The following MAST4 variants were observed in gnomAD, a reference collection of about 807,000 sequenced individuals.
MAST4 encodes the protein microtubule-associated serine/threonine-protein kinase 4.
In MAST4, 89 loss-of-function variants were observed where a neutral mutation model predicts 162.7. That is an observed-to-expected ratio of 0.55 (90% CI 0.46 to 0.65). The LOEUF (loss-of-function observed/expected upper bound fraction) is 0.65. Ranked by LOEUF, MAST4 falls within the 30% of genes least tolerant of loss-of-function variation. The pLI, the probability that MAST4 is intolerant of heterozygous loss-of-function variation, is 0.00. For missense variants in MAST4, 3,153 were observed against 3,374.0 expected (o/e 0.93, Z 1.62); for synonymous variants, 1,479 against 1,361.1 (o/e 1.09, Z -1.91).
rs1182908012 is a variant in MAST4, at chr5:66,673,625, G to C, written c.363+76607G>C. Among the ~76,000 whole-genome samples the C allele has an allele frequency of 2.0e-5, 3 of 149,846 alleles. 1 individual carries two copies. Among genetic ancestry groups the C allele is most frequent in the African/African-American group, 7.3e-5 (3 of 40,818 alleles). On this transcript the variant is annotated intron_variant, in intron 1 of 28. Transcript: ENST00000403625. ...CACTGCAACTTCCACCTCCTGAGTA[G>C]GTGGGATCACAGGCACGTGCTGCCA...
In MAST4 at chr5:67,165,864, A is replaced by G. The variant is rs570677514; in HGVS notation, c.6685A>G (p.Thr2229Ala). 6.2e-6 allele frequency: 10 copies of G among 1,613,262 alleles called. No individual in the cohort carries two copies. Among genetic ancestry groups the G allele is most frequent in the East Asian group, 2.2e-5 (1 of 44,872 alleles). ...VGATKGKEPA[T>A]QSLGGSSREG... ...GGCCACAAAGGGCAAAGAGCCTGCCACTCAGTCCCTCGGTGGCTCTAGCAG... is the reference window on the plus strand; with the variant it reads ...GGCCACAAAGGGCAAAGAGCCTGCCGCTCAGTCCCTCGGTGGCTCTAGCAG... The change falls in exon 29 of 29, where the codon ACT becomes GCT. Residue 2229 changes from threonine to alanine, a missense_variant. Thr to Ala is a moderately conservative substitution (Grantham distance 58, BLOSUM62 0). Coordinates refer to ENST00000403625, the MANE Select transcript of MAST4 (RefSeq NM_001164664.2).
At chr5:67,059,889 G>T (rs777703133) in intron 5 of MAST4, among the ~76,000 whole-genome samples, 6 of 151,872 alleles carry the variant, frequency 4.0e-5, no homozygotes, top group African/African-American at 1.5e-4. Context: ...TGCTTGTTTC[G>T]GGTAGGCACA....
chr5:66,868,284 A>G (rs1267824681), intron 3 of MAST4, among the ~76,000 whole-genome samples: 1 of 152,060 alleles, frequency 6.6e-6, no homozygotes, highest in East Asian at 1.9e-4. Context: ...ATCTCCCTAT[A>G]GTGAAGAAGC....
At chr5:67,071,172 C>T (rs2150665189) in intron 5 of MAST4, among the ~76,000 whole-genome samples, 1 of 144,888 alleles carries the variant, frequency 6.9e-6, no homozygotes, top group Non-Finnish European at 1.5e-5. Flanking sequence ...AAACAAAACT[C>T]TGCTCTAGAA....
chr5:66,807,244 C>G (rs182179692), intron 3 of MAST4, among the ~76,000 whole-genome samples: 1 of 152,186 alleles, frequency 6.6e-6, no homozygotes, highest in Non-Finnish European at 1.5e-5. Flanking sequence ...CGCCTGTAAT[C>G]CCAGCACTTT....
intron 4 of MAST4, among the ~76,000 whole-genome samples, chr5:66,947,610 T>G (rs1744189604): frequency 6.6e-6 from 1 of 152,180 alleles, no homozygotes; most frequent in African/African-American, 2.4e-5. Flanking sequence ...ATTGTTATTA[T>G]AGTGAAATAT....
Position 66,930,632 on chromosome 5 carries a change from T to C in MAST4, c.674+30650T>C, listed in dbSNP as rs796858505. On this transcript the variant is annotated intron_variant, in intron 4 of 28. Transcript: ENST00000403625. ...TTAAAATTTTTTATGTCTCAAGGAA[T>C]AAAAACTTCCCTGACAATATATATT... 66 of 444,468 alleles carry C rather than the reference T, an allele frequency of 1.5e-4. 1 individual carries two copies. Among genetic ancestry groups the C allele is most frequent in the African/African-American group, 9.2e-4 (45 of 48,816 alleles). The allele number at this position is 444,468 out of a possible 1,614,324, so 27.5% of individuals were successfully genotyped here. A position where few individuals can be genotyped will look rare whatever the true frequency, so the allele number is the denominator to read the frequency against.
At chr5:66,697,248 T>C (rs2149505021) in intron 1 of MAST4, among the ~76,000 whole-genome samples, 1 of 152,362 alleles carries the variant, frequency 6.6e-6, no homozygotes, top group South Asian at 2.1e-4. Context: ...TTAAAGACTT[T>C]TTTCATGTGT....
chr5:66,725,256 TTG>T (rs760584238), intron 1 of MAST4, among the ~76,000 whole-genome samples: 3 of 152,176 alleles, frequency 2.0e-5, no homozygotes, highest in Non-Finnish European at 4.4e-5. Flanking sequence ...GTTTACAAAT[TTG>T]TGTTTTAATA....
At chr5:67,000,195 A>G (rs1391435968) in intron 4 of MAST4, among the ~76,000 whole-genome samples, 1 of 152,094 alleles carries the variant, frequency 6.6e-6, no homozygotes, top group East Asian at 1.9e-4. Flanking sequence ...GAAAATGGGG[A>G]TGGGAAGATG....
intron 4 of MAST4, among the ~76,000 whole-genome samples, chr5:67,034,965 T>TA (rs1230689401): frequency 6.6e-6 from 1 of 152,218 alleles, no homozygotes; most frequent in African/African-American, 2.4e-5. Context: ...ACTGCTGGTT[T>TA]AGAGTGAACC....
At chr5:67,155,165 T>G (rs1334818671) in intron 26 of MAST4, among the ~76,000 whole-genome samples, 1 of 152,270 alleles carries the variant, frequency 6.6e-6, no homozygotes, top group Non-Finnish European at 1.5e-5. Context: ...TAGATTCACA[T>G]ATTTGGTCTT....
chr5:66,842,398 G>A (rs545848616), intron 3 of MAST4, among the ~76,000 whole-genome samples: 1 of 152,196 alleles, frequency 6.6e-6, no homozygotes, highest in South Asian at 2.1e-4. Context: ...AAAATGTTTT[G>A]ATGTGTTGGC....
intron 1 of MAST4, chr5:66,738,180 C>T (rs1402128467): frequency 6.6e-6 from 1 of 152,210 alleles, no homozygotes; most frequent in Non-Finnish European, 1.5e-5. Flanking sequence ...TGAGGCTCTA[C>T]CTGGCAGTGT....
At chr5:66,676,375 G>T (rs957696385) in intron 1 of MAST4, among the ~76,000 whole-genome samples, 1 of 152,150 alleles carries the variant, frequency 6.6e-6, no homozygotes, top group African/African-American at 2.4e-5. Context: ...TAGGCTCTTG[G>T]GGGATATTCA....
At chr5:66,962,104 A>G (rs1378876317) in intron 4 of MAST4, among the ~76,000 whole-genome samples, 1 of 152,208 alleles carries the variant, frequency 6.6e-6, no homozygotes. Flanking sequence ...TTTGCAAACC[A>G]TAGTAAGCCC....
At chr5:66,746,968 T>A (rs139645960) in intron 1 of MAST4, among the ~76,000 whole-genome samples, 8 of 152,124 alleles carry the variant, frequency 5.3e-5, no homozygotes, top group Admixed American at 2.0e-4. Flanking sequence ...TTTTTTTTTT[T>A]AACATCTTTA....
chr5:66,632,140 TTA>T (rs1561225853), intron 1 of MAST4, among the ~76,000 whole-genome samples: 1 of 152,156 alleles, frequency 6.6e-6, no homozygotes, highest in Non-Finnish European at 1.5e-5. Context: ...TGCCTAAAAT[TTA>T]TATGTTGGAG....
intron 3 of MAST4, among the ~76,000 whole-genome samples, chr5:66,793,765 C>A (rs1245254389): frequency 6.6e-6 from 1 of 152,184 alleles, no homozygotes; most frequent in Non-Finnish European, 1.5e-5. Context: ...ACATTCTTCC[C>A]ATTGAGGTTT....
Sources: allele counts gnomAD v4.1 joint callset (sites outside exome capture counted in the v4.1 genomes callset), GRCh38; gene constraint gnomAD v4.1.1; transcripts MANE v1.5; gene names NCBI Gene and HGNC (gene_info 2026-07-23, HGNC 2026-07-21).